ITGB1BP1: variants seen among roughly 807,000 people sequenced by gnomAD.
ITGB1BP1 encodes the protein integrin beta-1-binding protein 1.
ITGB1BP1 carries 20 observed loss-of-function variants against 28.0 expected under a neutral mutation model. The ratio of observed to expected loss-of-function variants is 0.71; its 90% CI spans 0.50 to 1.04. The LOEUF (loss-of-function observed/expected upper bound fraction) is 1.04, where lower values mean the gene tolerates loss of function less well. Among genes scored for constraint, ITGB1BP1 ranks in the 50% least tolerant of loss-of-function variants. The pLI is 0.00. For missense variants in ITGB1BP1, 228 were observed against 242.5 expected (o/e 0.94, Z 0.40); for synonymous variants, 103 against 89.5 (o/e 1.15, Z -0.85).
intron 4 of ITGB1BP1, 167 bp from the exon 5 acceptor site, chr2:9,408,372 TC>T (rs2148869704): frequency 5.2e-6 from 3 of 576,946 alleles, no homozygotes; most frequent in South Asian, 4.6e-5. Context: ...AAGAAACATT[TC>T]CCCCCATTTA....
At chr2:9,417,974 G>C (rs1254781304) in intron 2 of ITGB1BP1, among the ~76,000 whole-genome samples, 1 of 152,086 alleles carries the variant, frequency 6.6e-6, no homozygotes, top group Non-Finnish European at 1.5e-5. Context: ...ACAAATACTC[G>C]GTGAATGAAT....
At chr2:9,408,490 T>A (rs1677860157) in intron 4 of ITGB1BP1, 1 of 285,994 alleles carries the variant, frequency 3.5e-6, no homozygotes, top group South Asian at 5.2e-5. Flanking sequence ...TTGGTTCAAG[T>A]GAGCACATCC....
chr2:9,410,642 A>G (rs1424652363), intron 4 of ITGB1BP1, among the ~76,000 whole-genome samples: 4 of 152,090 alleles, frequency 2.6e-5, no homozygotes, highest in Admixed American at 6.6e-5. Flanking sequence ...GTTTTGCCAT[A>G]TTGGCCAGGC....
chr2:9,406,811 T>C lies in ITGB1BP1; in HGVS notation c.*23A>G. The stretch of plus-strand genomic sequence containing the variant: ...AAACAGCTGAACTTTCAGATGAAGT[T>C]GACTTCTACTTGATTGCAGGATTCA... On this transcript the variant is annotated 3_prime_UTR_variant, in exon 7 of 7. Coordinates refer to ENST00000355346, the MANE Select transcript of ITGB1BP1 (RefSeq NM_004763.5). The C allele has an allele frequency of 1.3e-6, 2 of 1,538,584 alleles. No homozygotes were observed. The highest frequency in any genetic ancestry group is 1.8e-6 in the Non-Finnish European group (2 of 1,111,038).
chr2:9,409,145 G>A (rs552031216), intron 4 of ITGB1BP1, among the ~76,000 whole-genome samples: 16 of 152,314 alleles, frequency 1.1e-4, no homozygotes, highest in African/African-American at 3.8e-4. Flanking sequence ...CTTCCCTGGC[G>A]GACGATCCGG....
At position 9,406,742 on chromosome 2, in the gene ITGB1BP1, G is replaced by C; in HGVS notation, c.*92C>G. On this transcript the variant is annotated 3_prime_UTR_variant, in exon 7 of 7. Coordinates refer to ENST00000355346, the MANE Select transcript of ITGB1BP1 (RefSeq NM_004763.5). ...TTTTCTTCAGAAAATCTAGAGCAAG[G>C]GATAACTTCATTATTTGCATAACAT... 1.1e-6 allele frequency: 1 copy of C among 875,102 alleles called. No individual in the cohort carries two copies. The highest frequency in any genetic ancestry group is 2.0e-6 in the Non-Finnish European group (1 of 510,838). The allele number at this position is 875,102 out of a possible 1,614,324, so 54.2% of individuals were successfully genotyped here.
rs760267441 is a variant in ITGB1BP1, at chr2:9,408,208, T to G, written c.289-3A>C. ...ACAAAAGGCAACTTTCCATCTTGCT[T>G]TAAAGTAAAAATAAATTCCATGATA... On this transcript the variant is annotated splice_region_variant and splice_polypyrimidine_tract_variant and intron_variant, in intron 4 of 6. Coordinates refer to ENST00000355346, the MANE Select transcript of ITGB1BP1 (RefSeq NM_004763.5). The G allele has an allele frequency of 1.3e-5, 20 of 1,548,104 alleles. No homozygotes were observed. The highest frequency in any genetic ancestry group is 1.7e-4 in the Middle Eastern group (1 of 5,718).
At chr2:9,420,120 G>A (rs1239946552) in intron 1 of ITGB1BP1, 5 of 817,816 alleles carry the variant, frequency 6.1e-6, no homozygotes, top group African/African-American at 5.6e-5. Flanking sequence ...GAAAAAGAAC[G>A]AGCAACTCAC....
At chr2:9,423,047 T>G (rs1680091202) in intron 1 of ITGB1BP1, 1 of 997,968 alleles carries the variant, frequency 1.0e-6, no homozygotes, top group Admixed American at 6.1e-5. Flanking sequence ...ACCCCGACCC[T>G]GAGAGGCGGG....
At chr2:9,410,783 C>T (rs1678266203) in intron 4 of ITGB1BP1, among the ~76,000 whole-genome samples, 1 of 152,150 alleles carries the variant, frequency 6.6e-6, no homozygotes, top group Admixed American at 6.5e-5. Flanking sequence ...CACTGTGTTG[C>T]CCAGGCTGGC....
At chr2:9,420,246 G>A (rs1679641911) in intron 1 of ITGB1BP1, 1 of 153,378 alleles carries the variant, frequency 6.5e-6, no homozygotes, top group Admixed American at 6.5e-5. Flanking sequence ...TCTGACCACT[G>A]AGCCCAAGCT....
chr2:9,421,084 G>T (rs980460929), intron 1 of ITGB1BP1, among the ~76,000 whole-genome samples: 5 of 152,078 alleles, frequency 3.3e-5, no homozygotes, highest in Admixed American at 3.3e-4. Flanking sequence ...TTAAAATGTT[G>T]ATGTGTAACA....
At chr2:9,407,953 T>C in intron 5 of ITGB1BP1, 160 bp downstream of exon 5, 1 of 599,316 alleles carries the variant, frequency 1.7e-6, no homozygotes, top group East Asian at 2.8e-5. Context: ...GAAGCCCCTA[T>C]TCACCTTAAG....
chr2:9,415,234 C>G lies in ITGB1BP1; in HGVS notation c.73-978G>C, dbSNP rs1294829451. Among the ~76,000 whole-genome samples the G allele has an allele frequency of 1.3e-5, 2 of 152,154 alleles. No individual in the cohort carries two copies. The highest frequency in any genetic ancestry group is 2.9e-5 in the Non-Finnish European group (2 of 68,022). Reference sequence around the variant, plus strand: ...TCTCTACCAAAAATACAAAAATTAGCTGGGCATGGTGGCGGGCACTTATAA... The same window carrying G: ...TCTCTACCAAAAATACAAAAATTAGGTGGGCATGGTGGCGGGCACTTATAA... On this transcript the variant is annotated intron_variant, in intron 2 of 6. Transcript: ENST00000355346. The surrounding 1 kb of genome is among the most constrained non-coding windows in gnomAD (Gnocchi z 4.1).
At chr2:9,407,992 A>C in intron 5 of ITGB1BP1, 121 bp downstream of exon 5, 1 of 652,314 alleles carries the variant, frequency 1.5e-6, no homozygotes. Context: ...ACCAACTGCC[A>C]GGAATGTTTA....
rs1163089757 is a variant in ITGB1BP1 at position 9,406,531 on chromosome 2, G to GTGTT, written c.*299_*302dup. ...CTCGTCTTCCTCAGGCCTTCAGTGT[G>GTGTT]TGTTTGTCACTGAGTGGACCTCTGT... On this transcript the variant is annotated 3_prime_UTR_variant, in exon 7 of 7. Transcript: ENST00000355346. 1.8e-5 allele frequency: 5 copies of GTGTT among 271,330 alleles called. No homozygotes were observed. The South Asian group carries it at 1.9e-4, about 11-fold the overall frequency. 16.8% of individuals were successfully genotyped at this position (271,330 alleles called of 1,614,324 possible).
rs1489118293 is a variant in ITGB1BP1 at position 9,404,099 on chromosome 2, G to A, written c.*2735C>T. On this transcript the variant is annotated 3_prime_UTR_variant, in exon 7 of 7. Coordinates refer to ENST00000355346, the MANE Select transcript of ITGB1BP1 (RefSeq NM_004763.5). ...TTTTAAATTAGTTTATATGCTTTAG[G>A]TGTTTTGGAATTTGCCTTCTTGAAC... 2 of 152,154 alleles carry A rather than the reference G, an allele frequency of 1.3e-5. No individual in the cohort carries two copies. The highest frequency in any genetic ancestry group is 2.9e-5 in the Non-Finnish European group (2 of 68,044). 9.4% of individuals were successfully genotyped at this position (152,154 alleles called of 1,614,324 possible).
intron 1 of ITGB1BP1, among the ~76,000 whole-genome samples, chr2:9,421,236 C>T (rs1679802867): frequency 6.6e-6 from 1 of 152,126 alleles, no homozygotes. Context: ...TGAAGTGTCT[C>T]CTCAAATCCC....
chr2:9,410,687 C>G (rs902036253), intron 4 of ITGB1BP1, among the ~76,000 whole-genome samples: 10 of 152,038 alleles, frequency 6.6e-5, no homozygotes, highest in African/African-American at 2.4e-4. Context: ...TGATCTGCCC[C>G]CCTTGGCCTC....
Sources: gnomAD v4.1 joint callset for allele counts (sites outside exome capture counted in the v4.1 genomes callset) on GRCh38, gnomAD v4.1.1 for gene constraint, Gnocchi (gnomAD v3.1) non-coding constraint, MANE v1.5 for transcripts, NCBI Gene and HGNC (gene_info 2026-07-23, HGNC 2026-07-21) for gene names.